The following GSE1 variants were observed in gnomAD, a reference collection of about 807,000 sequenced individuals.
GSE1 encodes the protein genetic suppressor element 1.
GSE1 carries 32 observed loss-of-function variants against 112.6 expected under a neutral mutation model. That is an observed-to-expected ratio of 0.28 (90% CI 0.21 to 0.38). The LOEUF is 0.38. Ranked by LOEUF, GSE1 falls within the 10% of genes least tolerant of loss-of-function variation. The probability of loss-of-function intolerance (pLI) is 1.00; values close to 1 mark genes in which losing one functional copy is unlikely to be tolerated. For synonymous variants in GSE1, 1,115 were observed against 735.6 expected (o/e 1.52, Z -8.35); for missense variants, 2,348 against 1,699.2 (o/e 1.38, Z -6.71).
At chr16:85,270,311 G>A (rs1196971452) in intron 1 of GSE1, among the ~76,000 whole-genome samples, 1 of 148,922 alleles carries the variant, frequency 6.7e-6, no homozygotes, top group Non-Finnish European at 1.5e-5. Context: ...GATGATCCCA[G>A]TGACCTGCTG....
In GSE1 at chr16:85,482,218, T is replaced by A. The variant is rs116851274; in HGVS notation, c.2464+124575T>A. Among the ~76,000 whole-genome samples, 1,199 of 149,320 alleles carry A rather than the reference T, an allele frequency of 8.0e-3. 10 individuals are homozygous for A. The highest frequency in any genetic ancestry group is 0.012 in the Non-Finnish European group (849 of 68,018). The stretch of plus-strand genomic sequence containing the variant: ...GCCGTGGGTGATGGGAGACAGTGGG[T>A]GAGGGTCCAGCTCCAGGACCCTCCA... On this transcript the variant is annotated intron_variant, in intron 2 of 2. Coordinates refer to the GSE1 transcript ENST00000637419.
intron 9 of GSE1, 132 bp from the exon 10 acceptor site, chr16:85,662,849 C>T: frequency 3.1e-6 from 2 of 645,504 alleles, no homozygotes; most frequent in East Asian, 5.4e-5. Context: ...TTGAAAGGAA[C>T]TGGCCTTCAG....
At chr16:85,605,288 T>C (rs2151501650) in intron 1 of GSE1, among the ~76,000 whole-genome samples, 1 of 152,032 alleles carries the variant, frequency 6.6e-6, no homozygotes, top group Admixed American at 6.5e-5. Flanking sequence ...AGGCCTCTCC[T>C]AATGTCGGAG....
Position 85,634,104 on chromosome 16 carries a change from G to C in GSE1, c.198G>C (p.Lys66Asn). 3 of 1,572,392 alleles carry C rather than the reference G, an allele frequency of 1.9e-6. No homozygotes were observed. Among genetic ancestry groups the C allele is most frequent in the Non-Finnish European group, 2.6e-6 (3 of 1,163,304 alleles). Residue 66 changes from lysine to asparagine, a missense_variant, in exon 2 of 16, where the codon AAG (lysine) becomes AAC (asparagine). Lys to Asn is a moderately conservative substitution (Grantham distance 94). Transcript: ENST00000253458. ...PSSSFAAALR[K>N]LAKQAEEPRG... Reference sequence around the variant, plus strand: ...CCAGCTTTGCCGCCGCGCTGCGCAAGCTCGCCAAACAGGCGGAGGAGCCCA... The same window carrying C: ...CCAGCTTTGCCGCCGCGCTGCGCAACCTCGCCAAACAGGCGGAGGAGCCCA...
chr16:85,320,942 A>G (rs2046094277), intron 1 of GSE1, among the ~76,000 whole-genome samples: 1 of 151,956 alleles, frequency 6.6e-6, no homozygotes, highest in African/African-American at 2.4e-5. Flanking sequence ...CTAGGAGTCT[A>G]CTCACATGAC....
intron 1 of GSE1, among the ~76,000 whole-genome samples, chr16:85,350,858 C>T (rs991490976): frequency 3.3e-5 from 5 of 152,202 alleles, no homozygotes; most frequent in Non-Finnish European, 4.4e-5. Context: ...CAGCCCCCTG[C>T]AACCTCTGCC....
chr16:85,670,049 G>A (rs1362071279), intron 14 of GSE1, among the ~76,000 whole-genome samples: 1 of 152,234 alleles, frequency 6.6e-6, no homozygotes, highest in East Asian at 1.9e-4. Flanking sequence ...TGAATTTACA[G>A]GCGTGGTTGG....
chr16:85,641,878 G>C (rs1027690710), intron 2 of GSE1, among the ~76,000 whole-genome samples: 5 of 152,222 alleles, frequency 3.3e-5, no homozygotes, highest in African/African-American at 1.2e-4. Flanking sequence ...GACCTCCTCT[G>C]GCCGGGCTCC....
chr16:85,638,607 G>A (rs1282264794), intron 2 of GSE1, among the ~76,000 whole-genome samples: 1 of 152,108 alleles, frequency 6.6e-6, no homozygotes, highest in African/African-American at 2.4e-5. Context: ...GCCGGGAATG[G>A]TGGCATGAGT....
intron 2 of GSE1, among the ~76,000 whole-genome samples, chr16:85,498,772 G>A (rs2051265994): frequency 6.6e-6 from 1 of 152,252 alleles, no homozygotes; most frequent in African/African-American, 2.4e-5. Context: ...GGGCAGTGGT[G>A]CAGCTGGCCA....
At position 85,464,328 on chromosome 16, in the gene GSE1, C is replaced by T. The variant is rs1259727542; in HGVS notation, c.2464+106685C>T. ...GTCGGCTTAGGTGGTTTCCAGCGCTCTCCTGGGGGGCCGGGGTGGGGGGCA... is the reference window on the plus strand; with the variant it reads ...GTCGGCTTAGGTGGTTTCCAGCGCTTTCCTGGGGGGCCGGGGTGGGGGGCA... On this transcript the variant is annotated intron_variant, in intron 2 of 2. Transcript: ENST00000637419. Among the ~76,000 whole-genome samples, 3 of 151,942 alleles carry T rather than the reference C, an allele frequency of 2.0e-5. No individual in the cohort carries two copies. The East Asian group carries it at 5.8e-4, about 29-fold the overall frequency.
At chr16:85,471,853 GACAC>G (rs528745477) in intron 2 of GSE1, among the ~76,000 whole-genome samples, 49 of 152,342 alleles carry the variant, frequency 3.2e-4, no homozygotes, top group African/African-American at 1.1e-3. Flanking sequence ...TGGGACTGCA[GACAC>G]ACACTGTCGT....
chr16:85,247,274 T>C (rs951605371), intron 1 of GSE1, among the ~76,000 whole-genome samples: 1 of 152,154 alleles, frequency 6.6e-6, no homozygotes, highest in Non-Finnish European at 1.5e-5. Flanking sequence ...AAAGACCTAG[T>C]GGGTAGGGAG....
rs189642705 is a variant in GSE1 at position 85,337,721 on chromosome 16, C to T, written c.2284-19742C>T. Among the ~76,000 whole-genome samples the T allele has an allele frequency of 2.1e-3, 318 of 152,280 alleles. 1 individual carries two copies. Among genetic ancestry groups the T allele is most frequent in the Middle Eastern group, 0.014 (4 of 294 alleles). ...GGGGTCCATGGGTGTGGGCCAGGGCCGGGCTTCTCTCAGCACAGGGCCCAG... is the reference window on the plus strand; with the variant it reads ...GGGGTCCATGGGTGTGGGCCAGGGCTGGGCTTCTCTCAGCACAGGGCCCAG... On this transcript the variant is annotated intron_variant, in intron 1 of 2. Transcript: ENST00000637419.
chr16:85,606,589 AC>A (rs1376898211), upstream of GSE1, among the ~76,000 whole-genome samples: 1 of 152,150 alleles, frequency 6.6e-6, no homozygotes, highest in Non-Finnish European at 1.5e-5. Flanking sequence ...CTTCTGGGTG[AC>A]CCGGGAGAGG....
At chr16:85,170,752 G>A in exon 1 of GSE1, 1 of 985,520 alleles carries the variant, frequency 1.0e-6, no homozygotes, top group Non-Finnish European at 1.2e-6. Flanking sequence ...GCCCCCAGGG[G>A]CACAGCCCAT....
intron 1 of GSE1, chr16:85,594,230 GGTT>G (rs1387138803): frequency 9.0e-6 from 1 of 111,272 alleles, no homozygotes; most frequent in African/African-American, 3.0e-5. Flanking sequence ...ATCCCTGGGG[GGTT>G]GGGGGGGGGG....
intron 1 of GSE1, among the ~76,000 whole-genome samples, chr16:85,226,142 C>T (rs1275036559): frequency 6.6e-6 from 1 of 152,190 alleles, no homozygotes; most frequent in African/African-American, 2.4e-5. Flanking sequence ...TCCTTAGACA[C>T]GTGTCACTGA....
chr16:85,596,532 C>T (rs902203751), intron 1 of GSE1, among the ~76,000 whole-genome samples: 3 of 152,236 alleles, frequency 2.0e-5, no homozygotes, highest in Non-Finnish European at 4.4e-5. Context: ...ATATCATAAA[C>T]GTTGGCTCAG....
Sources: gnomAD v4.1 joint callset for allele counts (sites outside exome capture counted in the v4.1 genomes callset) on GRCh38, gnomAD v4.1.1 for gene constraint, MANE v1.5 for transcripts, NCBI Gene and HGNC (gene_info 2026-07-23, HGNC 2026-07-21) for gene names.